Variants in PACS2 observed in about 807,000 individuals in gnomAD.
PACS2 encodes the protein phosphofurin acidic cluster sorting protein 2, also known as PACS1-like protein.
Under a neutral mutation model 113.0 loss-of-function variants are expected in PACS2, and 36 were observed. The ratio of observed to expected loss-of-function variants is 0.32; its 90% CI spans 0.24 to 0.42. The LOEUF (loss-of-function observed/expected upper bound fraction) is 0.42, where lower values mean the gene tolerates loss of function less well. Among genes scored for constraint, PACS2 ranks in the 10% least tolerant of loss-of-function variants. The pLI, the probability that PACS2 is intolerant of heterozygous loss-of-function variation, is 1.00. For synonymous variants in PACS2, 589 were observed against 536.1 expected, an observed-to-expected ratio of 1.10 and a Z score of -1.36; for missense variants, 1,015 against 1,239.5, an observed-to-expected ratio of 0.82 and a Z score of 2.72.
At chr14:105,338,158 A>G (rs1447791254) in intron 1 of PACS2, among the ~76,000 whole-genome samples, 3 of 152,038 alleles carry the variant, frequency 2.0e-5, no homozygotes, top group African/African-American at 4.8e-5. Flanking sequence ...TGACCTGCGG[A>G]GGACTTCCAG....
chr14:105,384,231 TG>T, intron 16 of PACS2, 121 bp from the exon 17 acceptor site: 1 of 612,126 alleles, frequency 1.6e-6, no homozygotes, highest in South Asian at 1.9e-5. Context: ...GGCAGGAAAG[TG>T]GGCTTGTCTG....
chr14:105,369,279 C>T (rs968610714), intron 7 of PACS2, among the ~76,000 whole-genome samples: 3 of 152,244 alleles, frequency 2.0e-5, no homozygotes, highest in Non-Finnish European at 2.9e-5. Flanking sequence ...AGAACACCAG[C>T]TTGAGCCTCC....
intron 1 of PACS2, among the ~76,000 whole-genome samples, chr14:105,345,146 G>A (rs782557939): frequency 2.7e-5 from 4 of 150,152 alleles, no homozygotes; most frequent in East Asian, 2.0e-4. Context: ...GTGGCTCAAC[G>A]CCTGTAATCC....
Position 105,365,443 on chromosome 14 carries a change from C to T in PACS2, c.424-1770C>T, listed in dbSNP as rs1274659764. Among the ~76,000 whole-genome samples the T allele has an allele frequency of 1.3e-5, 2 of 152,184 alleles. No homozygotes were observed. The highest frequency in any genetic ancestry group is 2.9e-5 in the Non-Finnish European group (2 of 68,008). On this transcript the variant is annotated intron_variant, in intron 4 of 24. Transcript: ENST00000447393. This position sits in a 1 kb window ranked among gnomAD's most constrained non-coding sequence, Gnocchi z 5.1. ...AGCGGGGGCTAATCAACAACCCGCC[C>T]CTGGCCCGCTGCGGGCCCAGCAGAG...
chr14:105,393,391 A>C (rs1432819260), intron 24 of PACS2, 56 bp downstream of exon 24: 5 of 1,251,246 alleles, frequency 4.0e-6, no homozygotes, highest in Non-Finnish European at 4.6e-6. Context: ...GAGCACAGCA[A>C]GGCTGCTTTG....
rs143691594 is a variant in PACS2, at chr14:105,382,854, G to A, written c.1566G>A (p.Thr522=). Residue 522 remains threonine, a synonymous_variant, in exon 15 of 25, where the codon ACG becomes ACA. Coordinates refer to ENST00000447393, the MANE Select transcript of PACS2 (RefSeq NM_001100913.3). ...GGCACACGCTCCCCGTGGTGTGCACGTGCTCTCCTGCGGACGTCCAGGCGG... is the reference window on the plus strand; with the variant it reads ...GGCACACGCTCCCCGTGGTGTGCACATGCTCTCCTGCGGACGTCCAGGCGG... ...LQRHTLPVVC[T]CSPADVQAAF... The A allele has an allele frequency of 4.3e-5, 69 of 1,607,546 alleles. No homozygotes were observed. The highest frequency in any genetic ancestry group is 5.1e-5 in the Non-Finnish European group (60 of 1,179,508).
At chr14:105,345,547 A>T (rs941593991) in intron 1 of PACS2, among the ~76,000 whole-genome samples, 2 of 152,192 alleles carry the variant, frequency 1.3e-5, no homozygotes, top group African/African-American at 2.4e-5. Flanking sequence ...TTTCATTTAC[A>T]TTCCATTCAG....
In PACS2 at chr14:105,348,377, C is replaced by T; in HGVS notation, c.120-116C>T. 1.4e-6 allele frequency: 1 copy of T among 724,786 alleles called. No homozygotes were observed. The highest frequency in any genetic ancestry group is 2.6e-5 in the East Asian group (1 of 37,992). 44.9% of individuals were successfully genotyped at this position (724,786 alleles called of 1,614,324 possible). ...TCCTGGGGCCGCCCAGGCAGTCACA[C>T]CCCGCCCTGCACCCCAGGGTGCAGG... On this transcript the variant is annotated intron_variant, in intron 1 of 24. Transcript: ENST00000447393. This position sits in a 1 kb window ranked among gnomAD's most constrained non-coding sequence, Gnocchi z 6.4.
chr14:105,350,115 G>A (rs2060112097), intron 2 of PACS2, among the ~76,000 whole-genome samples: 1 of 152,072 alleles, frequency 6.6e-6, no homozygotes, highest in African/African-American at 2.4e-5. Context: ...CTGCCCATGG[G>A]TGTGGCCATG....
rs2060547875 is a variant in PACS2 at position 105,358,648 on chromosome 14, C to A, written c.423+3471C>A. Among the ~76,000 whole-genome samples, 2 of 152,124 alleles carry A rather than the reference C, an allele frequency of 1.3e-5. No individual in the cohort carries two copies. The highest frequency in any genetic ancestry group is 6.5e-5 in the Admixed American group (1 of 15,274). On this transcript the variant is annotated intron_variant, in intron 4 of 24. Coordinates refer to ENST00000447393, the MANE Select transcript of PACS2 (RefSeq NM_001100913.3). This position sits in a 1 kb window ranked among gnomAD's most constrained non-coding sequence, Gnocchi z 4.9. ...GACCCATGACCAGGCGAAGGGGTGA[C>A]CTGGGAGTGCGGTGGTGGCTGAGGG...
intron 20 of PACS2, 84 bp downstream of exon 20, chr14:105,390,087 C>T (rs1388802467): frequency 2.3e-5 from 27 of 1,188,196 alleles, no homozygotes; most frequent in Non-Finnish European, 2.9e-5. Context: ...GGGATTGACT[C>T]GATATATTCC....
In PACS2 at chr14:105,396,845, G is replaced by C. The variant is rs2081544596; in HGVS notation, c.*2173G>C. The C allele has an allele frequency of 6.6e-6, 1 of 152,248 alleles. No homozygotes were observed. Among genetic ancestry groups the C allele is most frequent in the Admixed American group, 6.5e-5 (1 of 15,282 alleles). 9.4% of individuals were successfully genotyped at this position (152,248 alleles called of 1,614,324 possible). On this transcript the variant is annotated 3_prime_UTR_variant, in exon 25 of 25. Transcript: ENST00000447393. Reference sequence around the variant, plus strand: ...TCCCAAGGGTCACACTCAGTAGGGAGATGAAGGTGGAAACATCCTTGCTGT... The same window carrying C: ...TCCCAAGGGTCACACTCAGTAGGGACATGAAGGTGGAAACATCCTTGCTGT...
chr14:105,382,838 TC>T lies in PACS2; in HGVS notation c.1554del (p.Val519TrpfsTer35). On this transcript the variant is annotated frameshift_variant, in exon 15 of 25. Coordinates refer to ENST00000447393, the MANE Select transcript of PACS2 (RefSeq NM_001100913.3). LOFTEE classifies it high-confidence loss of function. ...FLSDVLQRHT[L>X]PVVCTCSPAD... ...TCCGACGTCCTGCAGAGGCACACGCTCCCCGTGGTGTGCACGTGCTCTCCTG... is the reference window on the plus strand; with the variant it reads ...TCCGACGTCCTGCAGAGGCACACGCTCCCGTGGTGTGCACGTGCTCTCCTG... 6.2e-7 allele frequency: 1 copy of T among 1,606,468 alleles called. No homozygotes were observed.
chr14:105,375,481 CAAAAAAAAAAA>C (rs34549878), intron 8 of PACS2, among the ~76,000 whole-genome samples: 3 of 51,410 alleles, frequency 5.8e-5, no homozygotes, highest in African/African-American at 1.8e-4. Context: ...GACTCCATCT[CAAAAAAAAAAA>C]AAAAAAAAAA....
rs947137024 is a variant in PACS2 at position 105,358,058 on chromosome 14, T to C, written c.423+2881T>C. On this transcript the variant is annotated intron_variant, in intron 4 of 24. Transcript: ENST00000447393. This position sits in a 1 kb window ranked among gnomAD's most constrained non-coding sequence, Gnocchi z 4.9. Reference sequence around the variant, plus strand: ...CAGGTGTCATCTCCCTTCAAATGGGTGCACACGCAGGGGGCAGGAGGGGCT... The same window carrying C: ...CAGGTGTCATCTCCCTTCAAATGGGCGCACACGCAGGGGGCAGGAGGGGCT... Among the ~76,000 whole-genome samples the C allele has an allele frequency of 2.6e-5, 4 of 152,022 alleles. No individual in the cohort carries two copies. Among genetic ancestry groups the C allele is most frequent in the Non-Finnish European group, 5.9e-5 (4 of 67,964 alleles).
rs1404544411 is a variant in PACS2, at chr14:105,324,951, C to A, written c.119+9914C>A. 6.6e-6 allele frequency among the ~76,000 whole-genome samples: 1 copy of A among 151,972 alleles called. No homozygotes were observed. Among genetic ancestry groups the A allele is most frequent in the Non-Finnish European group, 1.5e-5 (1 of 67,944 alleles). ...CTGGGGAAGGGGTGGGTCTGCCCTT[C>A]CTGCTGGGGGTGCACACGGGCCTGG... On this transcript the variant is annotated intron_variant, in intron 1 of 24. Transcript: ENST00000447393. The surrounding 1 kb of genome is among the most constrained non-coding windows in gnomAD (Gnocchi z 4.7).
chr14:105,320,879 C>T (rs966175240), intron 1 of PACS2, among the ~76,000 whole-genome samples: 31 of 152,164 alleles, frequency 2.0e-4, no homozygotes, highest in African/African-American at 7.0e-4. Context: ...CTGGCCGGGC[C>T]TGGTGGTTCA....
chr14:105,380,673 CT>C (rs1316676625), intron 11 of PACS2, among the ~76,000 whole-genome samples: 1 of 152,200 alleles, frequency 6.6e-6, no homozygotes, highest in Non-Finnish European at 1.5e-5. Context: ...TGGTTCCCCC[CT>C]GCTGCGTTGC....
At chr14:105,319,960 T>C (rs2058827384) in intron 1 of PACS2, among the ~76,000 whole-genome samples, 2 of 152,198 alleles carry the variant, frequency 1.3e-5, no homozygotes, top group Admixed American at 1.3e-4. Flanking sequence ...TTGTGGTAAA[T>C]TACATAAATT....
Sources: gnomAD v4.1 joint callset for allele counts (sites outside exome capture counted in the v4.1 genomes callset) on GRCh38, gnomAD v4.1.1 for gene constraint, Gnocchi (gnomAD v3.1) non-coding constraint, MANE v1.5 for transcripts, NCBI Gene and HGNC (gene_info 2026-07-23, HGNC 2026-07-21) for gene names.